MLXIPL: variants seen among roughly 807,000 people sequenced by gnomAD.
MLXIPL encodes the protein carbohydrate-responsive element-binding protein.
MLXIPL carries 49 observed loss-of-function variants against 81.5 expected under a neutral mutation model. The ratio of observed to expected loss-of-function variants is 0.60; its 90% CI spans 0.48 to 0.76. The LOEUF is 0.76. MLXIPL is among the 30% of genes least tolerant of loss of function. The pLI is 0.00. For synonymous variants in MLXIPL, 466 were observed against 485.5 expected (o/e 0.96, Z 0.53); for missense variants, 1,053 against 1,167.0 (o/e 0.90, Z 1.42).
chr7:73,616,352 A>C (rs1348670811), intron 1 of MLXIPL, among the ~76,000 whole-genome samples, 175 bp from the exon 2 acceptor site: 1 of 152,102 alleles, frequency 6.6e-6, no homozygotes, highest in Non-Finnish European at 1.5e-5. Flanking sequence ...AGACCTTCAA[A>C]ATCCCCTTCC....
Position 73,596,456 on chromosome 7 carries a change from C to A in MLXIPL, c.1846G>T (p.Asp616Tyr), listed in dbSNP as rs782753182. 66 of 1,612,642 alleles carry A rather than the reference C, an allele frequency of 4.1e-5. No homozygotes were observed. Among genetic ancestry groups the A allele is most frequent in the Non-Finnish European group, 5.3e-5 (62 of 1,179,962 alleles). Residue 616 changes from aspartate to tyrosine, a missense_variant, in exon 12 of 17, where the codon GAC becomes TAC. Transcript: ENST00000313375. This position sits in a 1 kb window ranked among gnomAD's most constrained non-coding sequence, Gnocchi z 4.7. Reference protein sequence around the residue: ...PSGSERRLSGDLSSMPGPGTL... With the variant: ...PSGSERRLSGYLSSMPGPGTL... The stretch of plus-strand genomic sequence containing the variant: ...CCAGGGCCTGGCATGGAGCTGAGGT[C>A]CCCTGACAGCCGCCGTTCACTGCCT...
rs1162551786 is a variant in MLXIPL, at chr7:73,596,092, G to T, written c.2058+61C>A. On this transcript the variant is annotated intron_variant, in intron 13 of 16. Transcript: ENST00000313375. This position sits in a 1 kb window ranked among gnomAD's most constrained non-coding sequence, Gnocchi z 4.7. ...ACTCCCCTGCAATTGAGTTTTGGGT[G>T]GGGGGGGTCCAGAAAGGGGCCCTGT... 27 of 1,587,118 alleles carry T rather than the reference G, an allele frequency of 1.7e-5. No individual in the cohort carries two copies. Among genetic ancestry groups the T allele is most frequent in the African/African-American group, 1.6e-4 (12 of 74,180 alleles).
intron 7 of MLXIPL, among the ~76,000 whole-genome samples, chr7:73,600,446 G>A (rs1401768086): frequency 2.3e-5 from 2 of 85,718 alleles, no homozygotes; most frequent in Admixed American, 1.2e-4. Context: ...TGGGCTCTGA[G>A]TGGGGTGGGG....
chr7:73,602,007 G>A (rs572232666), intron 7 of MLXIPL, among the ~76,000 whole-genome samples: 3 of 152,106 alleles, frequency 2.0e-5, no homozygotes, highest in African/African-American at 7.2e-5. Context: ...TGGTGCACGT[G>A]CGTCTGCTCT....
the MLXIPL span, among the ~76,000 whole-genome samples, chr7:73,641,884 T>G: frequency 6.6e-6 from 1 of 152,030 alleles, no homozygotes; most frequent in Non-Finnish European, 1.5e-5. Flanking sequence ...TCCGCCCACC[T>G]CAGCCTCCCA....
rs1211976941 is a variant in MLXIPL, at chr7:73,596,276, G to A, written c.1939-4C>T. 7.4e-6 allele frequency: 12 copies of A among 1,613,422 alleles called. No individual in the cohort carries two copies. The highest frequency in any genetic ancestry group is 1.6e-4 in the Middle Eastern group (1 of 6,062). ...GTGTGATACGCCGGTTCTCGGTCTC[G>A]GGGAGCAGAGAGTTGGGTGAGCCTA... is the stretch of plus-strand genomic sequence containing the variant. On this transcript the variant is annotated splice_polypyrimidine_tract_variant and splice_region_variant and intron_variant, in intron 12 of 16. Coordinates refer to ENST00000313375, the MANE Select transcript of MLXIPL (RefSeq NM_032951.3). This position sits in a 1 kb window ranked among gnomAD's most constrained non-coding sequence, Gnocchi z 4.7.
Position 73,597,146 on chromosome 7 carries a change from TCCCCAG to T in MLXIPL, c.1603+30_1603+35del, listed in dbSNP as rs782727220. On this transcript the variant is annotated intron_variant, in intron 9 of 16. Transcript: ENST00000313375. Reference sequence around the variant, plus strand: ...TGTCCTCCCCACCCCCTGGCCTCCCTCCCCAGGCTTTCCTCTCCCCGTTGCTGGCCC... The same window carrying T: ...TGTCCTCCCCACCCCCTGGCCTCCCTGCTTTCCTCTCCCCGTTGCTGGCCC... The T allele has an allele frequency of 3.4e-6, 4 of 1,169,662 alleles. No homozygotes were observed. The South Asian group carries it at 5.1e-5, about 15-fold the overall frequency. The allele number at this position is 1,169,662 out of a possible 1,614,324, so 72.5% of individuals were successfully genotyped here.
upstream of MLXIPL, among the ~76,000 whole-genome samples, chr7:73,629,527 G>A (rs1796802844): frequency 6.6e-6 from 1 of 152,120 alleles, no homozygotes; most frequent in African/African-American, 2.4e-5. Flanking sequence ...GAGCCCAGGG[G>A]TTCGAGACAA....
chr7:73,605,581 A>G, intron 7 of MLXIPL, 107 bp downstream of exon 7: 1 of 965,200 alleles, frequency 1.0e-6, no homozygotes, highest in South Asian at 1.4e-5. Flanking sequence ...AGAAAAAAAG[A>G]AACGACCCAG....
Position 73,596,848 on chromosome 7 carries a change from A to C in MLXIPL, c.1671+17T>G. 1 of 1,610,214 alleles carries C rather than the reference A, an allele frequency of 6.2e-7. No individual in the cohort carries two copies. The highest frequency in any genetic ancestry group is 8.5e-7 in the Non-Finnish European group (1 of 1,179,034). On this transcript the variant is annotated intron_variant, in intron 10 of 16. Transcript: ENST00000313375. This position sits in a 1 kb window ranked among gnomAD's most constrained non-coding sequence, Gnocchi z 4.7. ...GGCCGTGGGCACAGCCCCACCGCCCAGTGCCCGAGATCTTACCGGGGACCC... is the reference window on the plus strand; with the variant it reads ...GGCCGTGGGCACAGCCCCACCGCCCCGTGCCCGAGATCTTACCGGGGACCC...
chr7:73,624,558 C>G, upstream of MLXIPL: 5 of 1,458,930 alleles, frequency 3.4e-6, no homozygotes, highest in East Asian at 8.0e-5. Context: ...CTTGGCCAGC[C>G]GGGCCTCATT....
intron 8 of MLXIPL, 47 bp from the exon 9 acceptor site, chr7:73,597,760 G>GC: frequency 3.1e-6 from 4 of 1,287,008 alleles, no homozygotes; most frequent in Non-Finnish European, 4.0e-6. Context: ...GGAGAGAGCT[G>GC]CCCCTGGCAG....
At chr7:73,633,242 G>A in the MLXIPL span, among the ~76,000 whole-genome samples, 2 of 151,508 alleles carry the variant, frequency 1.3e-5, no homozygotes, top group African/African-American at 4.9e-5. Context: ...CACCACGCCC[G>A]GCTAATTTTT....
intron 7 of MLXIPL, among the ~76,000 whole-genome samples, chr7:73,602,633 T>C (rs1033371541): frequency 6.6e-6 from 1 of 151,798 alleles, no homozygotes; most frequent in Non-Finnish European, 1.5e-5. Flanking sequence ...TGAGCCAAGA[T>C]GATGCCACTG....
upstream of MLXIPL, among the ~76,000 whole-genome samples, chr7:73,625,996 A>G (rs1265822149): frequency 6.6e-6 from 1 of 151,854 alleles, no homozygotes; most frequent in East Asian, 1.9e-4. Flanking sequence ...TTATTTATCT[A>G]TATACTTCTA....
chr7:73,607,679 G>A lies in MLXIPL; in HGVS notation c.401-7C>T. On this transcript the variant is annotated splice_region_variant and splice_polypyrimidine_tract_variant and intron_variant, in intron 2 of 16. Coordinates refer to ENST00000313375, the MANE Select transcript of MLXIPL (RefSeq NM_032951.3). The stretch of plus-strand genomic sequence containing the variant: ...CTCTTCCTCCGCTTCACATCTGAGA[G>A]AAGGGGGCCAGGTCAGGGGCACCCA... 6.2e-7 allele frequency: 1 copy of A among 1,613,046 alleles called. No individual in the cohort carries two copies. The highest frequency in any genetic ancestry group is 8.5e-7 in the Non-Finnish European group (1 of 1,179,848).
In MLXIPL at chr7:73,597,247, G is replaced by T; in HGVS notation, c.1538C>A (p.Ala513Asp). Residue 513 changes from alanine (A) to aspartate (D), a missense_variant, in exon 9 of 17, where the codon GCC (alanine) becomes GAC (aspartate). By Grantham distance (126) the Ala-to-Asp change is moderately radical. This residue lies in a region of MLXIPL where 823 missense variants were observed against 933.0 expected (regional missense o/e 0.88). Coordinates refer to ENST00000313375, the MANE Select transcript of MLXIPL (RefSeq NM_032951.3). ...CGCAGTGGTGGGGGGACTGGCAGTGGCAGGGGCTAAGGTAGGGGGGCTGGC... is the reference window on the plus strand; with the variant it reads ...CGCAGTGGTGGGGGGACTGGCAGTGTCAGGGGCTAAGGTAGGGGGGCTGGC... ...QKASPPTLAP[A>D]TASPPTTAGS... is the part of the protein sequence containing the mutation. The T allele has an allele frequency of 6.2e-7, 1 of 1,601,434 alleles. No homozygotes were observed. Among genetic ancestry groups the T allele is most frequent in the Non-Finnish European group, 8.5e-7 (1 of 1,176,066 alleles).
chr7:73,627,862 T>C (rs1796777146), upstream of MLXIPL, among the ~76,000 whole-genome samples: 2 of 152,274 alleles, frequency 1.3e-5, no homozygotes, highest in South Asian at 2.1e-4. Context: ...AAGACCGGAA[T>C]TGATCCTTGC....
At chr7:73,620,466 C>A (rs1796273387) in intron 1 of MLXIPL, among the ~76,000 whole-genome samples, 1 of 151,264 alleles carries the variant, frequency 6.6e-6, no homozygotes, top group Admixed American at 6.6e-5. Flanking sequence ...AAGAGCTGGG[C>A]CCAGTAGCTC....
Sources: gnomAD v4.1 joint callset for allele counts (sites outside exome capture counted in the v4.1 genomes callset) on GRCh38, gnomAD v4.1.1 for gene constraint, gnomAD v4.1.1 regional missense constraint, Gnocchi (gnomAD v3.1) non-coding constraint, MANE v1.5 for transcripts, NCBI Gene and HGNC (gene_info 2026-07-23, HGNC 2026-07-21) for gene names.